COL6A6: variants seen among roughly 807,000 people sequenced by gnomAD.
COL6A6 encodes collagen alpha-6(VI) chain.
Under a neutral mutation model 208.6 loss-of-function variants are expected in COL6A6, and 183 were observed. That is an observed-to-expected ratio of 0.88 (90% CI 0.78 to 0.99). COL6A6 has a LOEUF of 0.99. COL6A6 is among the 50% of genes least tolerant of loss of function. The pLI is 0.00. For synonymous variants in COL6A6, 973 were observed against 1,011.8 expected, an observed-to-expected ratio of 0.96 and a Z score of 0.73; for missense variants, 2,816 against 2,815.2, an observed-to-expected ratio of 1.00 and a Z score of -0.01.
intron 33 of COL6A6, among the ~76,000 whole-genome samples, chr3:130,655,517 A>C (rs1022774567): frequency 6.6e-6 from 1 of 152,188 alleles, no homozygotes; most frequent in African/African-American, 2.4e-5. Flanking sequence ...ACACAAGTTC[A>C]TGGAGCTTGA....
intron 36 of COL6A6, among the ~76,000 whole-genome samples, chr3:130,672,587 G>A (rs1304602762): frequency 6.6e-6 from 1 of 151,874 alleles, no homozygotes; most frequent in Non-Finnish European, 1.5e-5. Flanking sequence ...ATTTTTAGCA[G>A]AGACAGGGGT....
intron 1 of COL6A6, among the ~76,000 whole-genome samples, chr3:130,538,599 A>T (rs1380028185): frequency 6.6e-6 from 1 of 152,214 alleles, no homozygotes; most frequent in Non-Finnish European, 1.5e-5. Flanking sequence ...TGGATGAGAA[A>T]TGGGTTCAAA....
At chr3:130,535,839 T>G (rs60060852) in intron 1 of COL6A6, among the ~76,000 whole-genome samples, 5,001 of 152,300 alleles carry the variant, frequency 0.033, 295 homozygotes, top group African/African-American at 0.11. Flanking sequence ...AGTAAAACAC[T>G]TTGATTAGTC....
At chr3:130,592,771 T>G in intron 15 of COL6A6, 49 bp downstream of exon 15, 2 of 1,482,926 alleles carry the variant, frequency 1.3e-6, no homozygotes, top group Non-Finnish European at 1.8e-6. Flanking sequence ...TATCTAGAAA[T>G]ATTTTTATTT....
Position 130,568,161 on chromosome 3 carries a change from A to C in COL6A6, c.1958A>C (p.Gln653Pro). ...ATGAAAAACCTGGTGAGCAAGTCTC[A>C]GATTGGACCAGATCGGGTGCAAATT... is the stretch of plus-strand genomic sequence containing the variant. ...TFMKNLVSKS[Q>P]IGPDRVQIGV... is the part of the protein sequence containing the mutation. Residue 653 changes from glutamine to proline, a missense_variant, in exon 6 of 37, where the codon CAG becomes CCG. Coordinates refer to ENST00000358511, the MANE Select transcript of COL6A6 (RefSeq NM_001102608.3). 6.2e-7 allele frequency: 1 copy of C among 1,614,058 alleles called. No homozygotes were observed.
chr3:130,670,903 C>G (rs140210020), intron 36 of COL6A6, among the ~76,000 whole-genome samples: 348 of 152,230 alleles, frequency 2.3e-3, no homozygotes, highest in African/African-American at 8.0e-3. Flanking sequence ...CTATCGTTAG[C>G]GTTGGTATAT....
intron 36 of COL6A6, 33 bp downstream of exon 36, chr3:130,665,129 G>A (rs59386806): frequency 0.22 from 318,857 of 1,434,732 alleles, 38,379 homozygotes; most frequent in Admixed American, 0.38. Flanking sequence ...TGATAAATGA[G>A]AATGCCCCCT....
chr3:130,539,630 C>CT, intron 1 of COL6A6, among the ~76,000 whole-genome samples: 1 of 71,476 alleles, frequency 1.4e-5, no homozygotes, highest in South Asian at 4.3e-4. Context: ...GAGACTCCGT[C>CT]TCAAAAAAAA....
At chr3:130,551,690 C>T (rs769372449) in intron 1 of COL6A6, among the ~76,000 whole-genome samples, 126 of 122,246 alleles carry the variant, frequency 1.0e-3, no homozygotes, top group Admixed American at 3.2e-3. Flanking sequence ...TTGGTTATTT[C>T]TTCTGCTAGC....
rs201787847 is a variant in COL6A6 at position 130,661,685 on chromosome 3, T to C, written c.5879T>C (p.Val1960Ala). The stretch of plus-strand genomic sequence containing the variant: ...TGTGACCAAGCCAGACCACCCCCTG[T>C]GCAGTCTTACATGGATGCTGCTTTC... Reference protein sequence around the residue: ...ASCDQARPPPVQSYMDAAFLL... With the variant: ...ASCDQARPPPAQSYMDAAFLL... Residue 1960 changes from valine to alanine, a missense_variant, in exon 35 of 37, where the codon GTG becomes GCG. Val to Ala is a moderately conservative substitution (Grantham distance 64). Transcript: ENST00000358511. 4.5e-5 allele frequency: 73 copies of C among 1,613,952 alleles called. No homozygotes were observed. The highest frequency in any genetic ancestry group is 5.8e-5 in the Non-Finnish European group (69 of 1,179,846).
intron 33 of COL6A6, among the ~76,000 whole-genome samples, chr3:130,650,597 G>A (rs1226245663): frequency 6.8e-6 from 1 of 146,006 alleles, no homozygotes; most frequent in African/African-American, 2.6e-5. Flanking sequence ...GTGACAGAGT[G>A]AGCCTCTGTC....
intron 23 of COL6A6, among the ~76,000 whole-genome samples, chr3:130,620,797 C>T (rs1365939787): frequency 1.3e-5 from 2 of 152,142 alleles, no homozygotes; most frequent in East Asian, 3.9e-4. Context: ...AAGTGTCATG[C>T]TCATTACGCA....
chr3:130,565,813 T>G (rs1454032286), intron 4 of COL6A6, among the ~76,000 whole-genome samples, 199 bp downstream of exon 4: 1 of 152,138 alleles, frequency 6.6e-6, no homozygotes, highest in Non-Finnish European at 1.5e-5. Context: ...GGAGAAGAGA[T>G]TTCCCCTTTT....
In COL6A6 at chr3:130,658,660, C is replaced by T; in HGVS notation, c.5734-16C>T. ...CCTACCCACTAAGTTCTTTCTGCTG[C>T]TTCTGCTTCTTTTAGATTGACGACA... On this transcript the variant is annotated splice_polypyrimidine_tract_variant and intron_variant, in intron 33 of 36. Coordinates refer to ENST00000358511, the MANE Select transcript of COL6A6 (RefSeq NM_001102608.3). 6.3e-7 allele frequency: 1 copy of T among 1,590,550 alleles called. No homozygotes were observed.
intron 36 of COL6A6, among the ~76,000 whole-genome samples, chr3:130,669,287 C>T (rs1370526942): frequency 4.0e-5 from 6 of 151,890 alleles, no homozygotes; most frequent in African/African-American, 1.5e-4. Context: ...CCCAGCTACT[C>T]GGGAGGCAGA....
chr3:130,546,361 C>G (rs2062496875), intron 1 of COL6A6, among the ~76,000 whole-genome samples: 1 of 152,114 alleles, frequency 6.6e-6, no homozygotes, highest in African/African-American at 2.4e-5. Context: ...CGTGGTCTCG[C>G]TGGCCTCAGG....
At position 130,565,508 on chromosome 3, in the gene COL6A6, C is replaced by T. The variant is rs2062997351; in HGVS notation, c.1176C>T (p.Thr392=). 2 of 1,613,896 alleles carry T rather than the reference C, an allele frequency of 1.2e-6. No homozygotes were observed. The highest frequency in any genetic ancestry group is 1.7e-6 in the Non-Finnish European group (2 of 1,179,890). Residue 392 remains threonine (T), a synonymous_variant, in exon 4 of 37, where the codon ACC becomes ACT. Coordinates refer to ENST00000358511, the MANE Select transcript of COL6A6 (RefSeq NM_001102608.3). ...PAEQYVSKLK[T]FADLAAHNQT... Reference sequence around the variant, plus strand: ...AGCAGTATGTCTCCAAACTGAAGACCTTCGCTGACCTGGCTGCTCACAACC... The same window carrying T: ...AGCAGTATGTCTCCAAACTGAAGACTTTCGCTGACCTGGCTGCTCACAACC...
rs576348040 is a variant in COL6A6 at position 130,558,143 on chromosome 3, G to A, written c.-31-2191G>A. Among the ~76,000 whole-genome samples the A allele has an allele frequency of 8.5e-5, 13 of 152,268 alleles. No homozygotes were observed. In the South Asian group the frequency reaches 2.7e-3, roughly 32 times the overall value. On this transcript the variant is annotated intron_variant, in intron 1 of 36. Coordinates refer to ENST00000358511, the MANE Select transcript of COL6A6 (RefSeq NM_001102608.3). ...TTCATTCTCCCCTCACTTGTCTTCA[G>A]GTGATCGGTTATGTTTGTTTATAAT... is the stretch of plus-strand genomic sequence containing the variant.
Position 130,599,789 on chromosome 3 carries a change from A to G in COL6A6, c.4632A>G (p.Thr1544=). The G allele has an allele frequency of 6.2e-7, 1 of 1,613,796 alleles. No individual in the cohort carries two copies. Among genetic ancestry groups the G allele is most frequent in the Non-Finnish European group, 8.5e-7 (1 of 1,179,776 alleles). ...GRRGWPGPPG[T]PGSRRKTAAH... is the part of the protein sequence containing the mutation. ...GAGGCTGGCCAGGCCCCCCCGGGAC[A>G]CCAGGCTCCAGAAGAAAGACAGTAA... Residue 1544 remains threonine, a synonymous_variant, in exon 20 of 37, where the codon ACA becomes ACG. Transcript: ENST00000358511.
Sources: allele counts gnomAD v4.1 joint callset (sites outside exome capture counted in the v4.1 genomes callset), GRCh38; gene constraint gnomAD v4.1.1; transcripts MANE v1.5; gene names NCBI Gene and HGNC (gene_info 2026-07-23, HGNC 2026-07-21).